NSL1: variants seen among roughly 807,000 people sequenced by gnomAD.
NSL1 encodes kinetochore-associated protein NSL1 homolog.
NSL1 carries 11 observed loss-of-function variants against 25.4 expected under a neutral mutation model. That is an observed-to-expected ratio of 0.43 (90% CI 0.27 to 0.72). The LOEUF is 0.72. Ranked by LOEUF, NSL1 falls within the 30% of genes least tolerant of loss-of-function variation. The pLI is 0.19. For synonymous variants in NSL1, 118 were observed against 120.6 expected, an observed-to-expected ratio of 0.98 and a Z score of 0.14; for missense variants, 330 against 342.7, an observed-to-expected ratio of 0.96 and a Z score of 0.29.
intron 4 of NSL1, among the ~76,000 whole-genome samples, chr1:212,750,599 T>C (rs1214565081): frequency 6.6e-6 from 1 of 152,108 alleles, no homozygotes; most frequent in South Asian, 2.1e-4. Context: ...GTTTGCCATA[T>C]TGAGATGAAT....
chr1:212,729,215 T>G lies in NSL1; in HGVS notation c.*9193A>C, dbSNP rs891183668. 1.0e-6 allele frequency: 1 copy of G among 985,294 alleles called. No homozygotes were observed. Among genetic ancestry groups the G allele is most frequent in the African/African-American group, 1.7e-5 (1 of 57,230 alleles). The allele number at this position is 985,294 out of a possible 1,614,324, so 61.0% of individuals were successfully genotyped here. The stretch of plus-strand genomic sequence containing the variant: ...CAAACCCATGAGTTTCACTCTCAGG[T>G]TCCCTCTAGGAGCAGAAGTGCAGGT... On this transcript the variant is annotated 3_prime_UTR_variant, in exon 6 of 6. Transcript: ENST00000366977.
At chr1:212,772,558 TC>T (rs1660170606) in intron 4 of NSL1, among the ~76,000 whole-genome samples, 1 of 151,956 alleles carries the variant, frequency 6.6e-6, no homozygotes, top group Non-Finnish European at 1.5e-5. Flanking sequence ...GCACCTGTAA[TC>T]CCAGCTACTT....
chr1:212,728,643 T>C lies in NSL1; in HGVS notation c.*9765A>G. Reference sequence around the variant, plus strand: ...AATTCTGAGGCTCTGATCTGATGAGTGAAGGGAACCACAGGCTTATCTGCA... The same window carrying C: ...AATTCTGAGGCTCTGATCTGATGAGCGAAGGGAACCACAGGCTTATCTGCA... On this transcript the variant is annotated 3_prime_UTR_variant, in exon 6 of 6. Transcript: ENST00000366977. 1.0e-6 allele frequency: 1 copy of C among 985,372 alleles called. No individual in the cohort carries two copies. Among genetic ancestry groups the C allele is most frequent in the Non-Finnish European group, 1.2e-6 (1 of 829,920 alleles). 61.0% of individuals were successfully genotyped at this position (985,372 alleles called of 1,614,324 possible).
chr1:212,764,743 G>A (rs1213736325), intron 4 of NSL1, among the ~76,000 whole-genome samples: 1 of 150,384 alleles, frequency 6.6e-6, no homozygotes, highest in African/African-American at 2.4e-5. Context: ...CCACTTGGGA[G>A]GCTGAGGAAG....
rs867118963 is a variant in NSL1, at chr1:212,729,622, C to G, written c.*8786G>C. 2 of 985,406 alleles carry G rather than the reference C, an allele frequency of 2.0e-6. No individual in the cohort carries two copies. Among genetic ancestry groups the G allele is most frequent in the Non-Finnish European group, 2.4e-6 (2 of 829,928 alleles). 61.0% of individuals were successfully genotyped at this position (985,406 alleles called of 1,614,324 possible). A position where few individuals can be genotyped will look rare whatever the true frequency, so the allele number is the denominator to read the frequency against. ...CAGAGGCAGGCACACAGGGCATAGA[C>G]AGAATATGACAAGTCAGAGAGAATT... On this transcript the variant is annotated 3_prime_UTR_variant, in exon 6 of 6. Transcript: ENST00000366977.
chr1:212,779,770 C>T (rs1488876020), intron 4 of NSL1, among the ~76,000 whole-genome samples: 6 of 119,014 alleles, frequency 5.0e-5, no homozygotes, highest in East Asian at 2.7e-4. Context: ...CCGCCCCGTC[C>T]GGGAGGGAGG....
chr1:212,775,711 G>A (rs1346552961), intron 4 of NSL1, among the ~76,000 whole-genome samples: 2 of 151,730 alleles, frequency 1.3e-5, no homozygotes, highest in Non-Finnish European at 2.9e-5. Context: ...AAGAATAAAA[G>A]TGAACACAGA....
intron 4 of NSL1, among the ~76,000 whole-genome samples, chr1:212,744,071 C>G (rs1293886393): frequency 6.6e-6 from 1 of 152,190 alleles, no homozygotes; most frequent in Non-Finnish European, 1.5e-5. Context: ...GCAGCAGATG[C>G]AGCGTGCAGC....
chr1:212,754,672 G>A (rs1284405602), intron 4 of NSL1, among the ~76,000 whole-genome samples: 1 of 149,328 alleles, frequency 6.7e-6, no homozygotes, highest in Non-Finnish European at 1.5e-5. Flanking sequence ...AGCTACTCAG[G>A]AGGATGAGGC....
In NSL1 at chr1:212,731,425, G is replaced by A. The variant is rs759899452; in HGVS notation, c.*6983C>T. 89 of 985,000 alleles carry A rather than the reference G, an allele frequency of 9.0e-5. No homozygotes were observed. Among genetic ancestry groups the A allele is most frequent in the Middle Eastern group, 5.2e-4 (1 of 1,936 alleles). 61.0% of individuals were successfully genotyped at this position (985,000 alleles called of 1,614,324 possible). The stretch of plus-strand genomic sequence containing the variant: ...AAACTAGCCGGGCATGGTGGCACAC[G>A]CCTGTTTTGAAACCCTGAGAAAGCT... On this transcript the variant is annotated 3_prime_UTR_variant, in exon 6 of 6. Transcript: ENST00000366977.
rs373187564 is a variant in NSL1, at chr1:212,736,485, C to T, written c.*1923G>A. 9 of 985,198 alleles carry T rather than the reference C, an allele frequency of 9.1e-6. No individual in the cohort carries two copies. The African/African-American group carries it at 1.6e-4, about 17-fold the overall frequency. 61.0% of individuals were successfully genotyped at this position (985,198 alleles called of 1,614,324 possible). ...TTAGCTTACTAGTTCTTGGCCTATGCAGAAATGCAACTTCTCCTCTTACAC... is the reference window on the plus strand; with the variant it reads ...TTAGCTTACTAGTTCTTGGCCTATGTAGAAATGCAACTTCTCCTCTTACAC... On this transcript the variant is annotated 3_prime_UTR_variant, in exon 6 of 6. Coordinates refer to ENST00000366977, the MANE Select transcript of NSL1 (RefSeq NM_015471.4).
intron 4 of NSL1, among the ~76,000 whole-genome samples, chr1:212,776,667 C>T (rs1301988097): frequency 6.6e-6 from 1 of 151,242 alleles, no homozygotes; most frequent in African/African-American, 2.4e-5. Context: ...AAAGAAAATT[C>T]ACTCAACACA....
rs1015571558 is a variant in NSL1, at chr1:212,730,839, C to T, written c.*7569G>A. The stretch of plus-strand genomic sequence containing the variant: ...GTTTTTTACCTCTCCCCTCCCCACA[C>T]TCACCTTCTAAGTTCAATTAATAAT... On this transcript the variant is annotated 3_prime_UTR_variant, in exon 6 of 6. Transcript: ENST00000366977. 5 of 985,290 alleles carry T rather than the reference C, an allele frequency of 5.1e-6. No individual in the cohort carries two copies. The African/African-American group carries it at 8.7e-5, about 17-fold the overall frequency. 61.0% of individuals were successfully genotyped at this position (985,290 alleles called of 1,614,324 possible). A position where few individuals can be genotyped will look rare whatever the true frequency, so the allele number is the denominator to read the frequency against.
chr1:212,788,457 T>G (rs865979297), intron 1 of NSL1, among the ~76,000 whole-genome samples: 1 of 152,122 alleles, frequency 6.6e-6, no homozygotes, highest in South Asian at 2.1e-4. Context: ...TATATGGGTG[T>G]CCACTGTACT....
At position 212,759,573 on chromosome 1, in the gene NSL1, T is replaced by C. The variant is rs78941977; in HGVS notation, c.500-19972A>G. Among the ~76,000 whole-genome samples the C allele has an allele frequency of 7.4e-3, 1,131 of 152,098 alleles. 17 individuals are homozygous for C. The highest frequency in any genetic ancestry group is 0.024 in the African/African-American group (981 of 41,458). On this transcript the variant is annotated intron_variant, in intron 4 of 5. Coordinates refer to ENST00000366977, the MANE Select transcript of NSL1 (RefSeq NM_015471.4). Reference sequence around the variant, plus strand: ...CCATACAACATTAATTCCAGAGAGATAGCACTGGGTACCTCACATACCCCC... The same window carrying C: ...CCATACAACATTAATTCCAGAGAGACAGCACTGGGTACCTCACATACCCCC...
Position 212,737,851 on chromosome 1 carries a change from C to G in NSL1, c.*557G>C. The G allele has an allele frequency of 1.0e-6, 1 of 985,268 alleles. No individual in the cohort carries two copies. Among genetic ancestry groups the G allele is most frequent in the Non-Finnish European group, 1.2e-6 (1 of 829,834 alleles). The allele number at this position is 985,268 out of a possible 1,614,324, so 61.0% of individuals were successfully genotyped here. On this transcript the variant is annotated 3_prime_UTR_variant, in exon 6 of 6. Transcript: ENST00000366977. ...ACAAAAAATCCTAAAGTTAATCTCA[C>G]AAACCTAAATTAGCTGAACATGGAG...
intron 4 of NSL1, among the ~76,000 whole-genome samples, chr1:212,741,543 A>G (rs1175864845): frequency 1.3e-5 from 2 of 152,138 alleles, no homozygotes; most frequent in African/African-American, 4.8e-5. Flanking sequence ...CCCCCAAAAC[A>G]GCTTCTTCCT....
In NSL1 at chr1:212,735,921, C is replaced by G. The variant is rs1325982219; in HGVS notation, c.*2487G>C. ...GTATCTGTTGTTTAAGCCACCCAGC[C>G]TGTGGTATTCTGTTATAGTAGCCTA... On this transcript the variant is annotated 3_prime_UTR_variant, in exon 6 of 6. Transcript: ENST00000366977. The G allele has an allele frequency of 1.0e-6, 1 of 981,498 alleles. No homozygotes were observed. Among genetic ancestry groups the G allele is most frequent in the Non-Finnish European group, 1.2e-6 (1 of 826,454 alleles). 60.8% of individuals were successfully genotyped at this position (981,498 alleles called of 1,614,324 possible).
chr1:212,734,262 G>A lies in NSL1; in HGVS notation c.*4146C>T, dbSNP rs1658144173. ...CACTCAGTTAACCACTATGCATCGAGGGCCCATCATGTGCCAGCAATTATT... is the reference window on the plus strand; with the variant it reads ...CACTCAGTTAACCACTATGCATCGAAGGCCCATCATGTGCCAGCAATTATT... On this transcript the variant is annotated 3_prime_UTR_variant, in exon 6 of 6. Coordinates refer to ENST00000366977, the MANE Select transcript of NSL1 (RefSeq NM_015471.4). Among the ~76,000 whole-genome samples the A allele has an allele frequency of 1.3e-5, 2 of 152,108 alleles. No homozygotes were observed. The highest frequency in any genetic ancestry group is 4.1e-4 in the South Asian group (2 of 4,822).
Sources: allele counts gnomAD v4.1 joint callset (sites outside exome capture counted in the v4.1 genomes callset), GRCh38; gene constraint gnomAD v4.1.1; transcripts MANE v1.5; gene names NCBI Gene and HGNC (gene_info 2026-07-23, HGNC 2026-07-21).